The following GPD2 variants were observed in gnomAD, a reference collection of about 807,000 sequenced individuals.
GPD2 encodes glycerol-3-phosphate dehydrogenase, mitochondrial.
Under a neutral mutation model 82.4 loss-of-function variants are expected in GPD2, and 54 were observed. The ratio of observed to expected loss-of-function variants is 0.66; its 90% CI spans 0.53 to 0.82. The LOEUF is 0.82. Among genes scored for constraint, GPD2 ranks in the 40% least tolerant of loss-of-function variants. GPD2 has a pLI of 0.00. For missense variants in GPD2, 748 were observed against 896.2 expected, an observed-to-expected ratio of 0.83 and a Z score of 2.11; for synonymous variants, 288 against 306.1, an observed-to-expected ratio of 0.94 and a Z score of 0.62.
chr2:156,458,506 G>T (rs565346623), intron 1 of GPD2, among the ~76,000 whole-genome samples: 1 of 152,336 alleles, frequency 6.6e-6, no homozygotes, highest in East Asian at 1.9e-4. Context: ...CATGCTCAAG[G>T]CAAATTCATT....
At chr2:156,452,437 G>A (rs561857536) in intron 1 of GPD2, among the ~76,000 whole-genome samples, 1 of 152,268 alleles carries the variant, frequency 6.6e-6, no homozygotes, top group Non-Finnish European at 1.5e-5. Context: ...ACCTGCAATC[G>A]CAGGCTGAGG....
Position 156,512,213 on chromosome 2 carries a change from C to A in GPD2, c.400-7C>A. On this transcript the variant is annotated splice_region_variant and splice_polypyrimidine_tract_variant and intron_variant, in intron 4 of 16. Transcript: ENST00000438166. ...GCCAAACTAATTTTCTCTGTTTTGC[C>A]TTTCAGTATAGGATGGTAAAAGAAG... is the stretch of plus-strand genomic sequence containing the variant. 2 of 1,469,098 alleles carry A rather than the reference C, an allele frequency of 1.4e-6. No homozygotes were observed. The highest frequency in any genetic ancestry group is 1.9e-6 in the Non-Finnish European group (2 of 1,047,588). 91.0% of individuals were successfully genotyped at this position (1,469,098 alleles called of 1,614,324 possible).
At chr2:156,485,373 A>G (rs1670177414) in intron 2 of GPD2, among the ~76,000 whole-genome samples, 1 of 152,226 alleles carries the variant, frequency 6.6e-6, no homozygotes. Flanking sequence ...TCTCTGCACC[A>G]TGGCTTTCTA....
intron 3 of GPD2, among the ~76,000 whole-genome samples, chr2:156,505,077 C>T (rs767089138): frequency 6.6e-6 from 1 of 151,938 alleles, no homozygotes; most frequent in Non-Finnish European, 1.5e-5. Context: ...AGTTAAATGT[C>T]GTACCATTTT....
chr2:156,452,752 G>T (rs1018718207), intron 1 of GPD2, among the ~76,000 whole-genome samples: 4 of 152,102 alleles, frequency 2.6e-5, no homozygotes, highest in African/African-American at 9.7e-5. Flanking sequence ...AGGAGAGAGT[G>T]GTGGGTAATT....
chr2:156,529,710 G>T (rs1251055442), intron 6 of GPD2, among the ~76,000 whole-genome samples: 2 of 150,762 alleles, frequency 1.3e-5, no homozygotes, highest in African/African-American at 2.4e-5. Context: ...TTTCCCCATT[G>T]CTTGTTTTTC....
In GPD2 at chr2:156,529,989, G is replaced by A. The variant is rs528488193; in HGVS notation, c.661+16493G>A. 8.7e-3 allele frequency among the ~76,000 whole-genome samples: 1,313 copies of A among 151,766 alleles called. 20 individuals carry two copies. The highest frequency in any genetic ancestry group is 0.03 in the African/African-American group (1,232 of 41,254). On this transcript the variant is annotated intron_variant, in intron 6 of 16. Coordinates refer to ENST00000438166, the MANE Select transcript of GPD2 (RefSeq NM_000408.5). ...AATTCTGTGAAGAAAGTGATTGGTA[G>A]CTTGATGGGGATGGCATTGAATCTG...
At position 156,437,488 on chromosome 2, in the gene GPD2, G is replaced by A. The variant is rs958539001; in HGVS notation, c.-9+975G>A. ...TGGATGCCATTGCCCAATGGAGACCGTGTGCAGTCTGGGGAACCTTGTGAT... is the reference window on the plus strand; with the variant it reads ...TGGATGCCATTGCCCAATGGAGACCATGTGCAGTCTGGGGAACCTTGTGAT... On this transcript the variant is annotated intron_variant, in intron 1 of 16. Transcript: ENST00000438166. 8.0e-4 allele frequency among the ~76,000 whole-genome samples: 122 copies of A among 152,260 alleles called. 1 individual carries two copies. The highest frequency in any genetic ancestry group is 2.9e-3 in the African/African-American group (119 of 41,542).
chr2:156,400,520 C>A, the GPD2 span, among the ~76,000 whole-genome samples: 1 of 152,256 alleles, frequency 6.6e-6, no homozygotes, highest in Non-Finnish European at 1.5e-5. Flanking sequence ...GGATCCCAGG[C>A]TCCCGACGTC....
intron 1 of GPD2, among the ~76,000 whole-genome samples, chr2:156,474,800 A>C (rs1683447357): frequency 6.6e-6 from 1 of 152,180 alleles, no homozygotes; most frequent in Non-Finnish European, 1.5e-5. Context: ...TTAAGAGCTA[A>C]GACAATGCAG....
intron 1 of GPD2, among the ~76,000 whole-genome samples, chr2:156,460,388 GA>G (rs1682948915): frequency 6.6e-6 from 1 of 152,142 alleles, no homozygotes; most frequent in Non-Finnish European, 1.5e-5. Flanking sequence ...CCAATAGGGG[GA>G]AAATTATGAA....
rs78511675 is a variant in GPD2 at position 156,494,088 on chromosome 2, C to T, written c.103-1956C>T. Among the ~76,000 whole-genome samples, 629 of 152,088 alleles carry T rather than the reference C, an allele frequency of 4.1e-3. 4 individuals are homozygous for T. The highest frequency in any genetic ancestry group is 0.015 in the African/African-American group (611 of 41,484). ...TGTATATAAAGGTAAAAAATAGGGA[C>T]ATGGTTATTAGCAGATAATTAAAAG... On this transcript the variant is annotated intron_variant, in intron 2 of 16. Transcript: ENST00000438166.
At chr2:156,413,243 C>T in the GPD2 span, among the ~76,000 whole-genome samples, 1 of 152,052 alleles carries the variant, frequency 6.6e-6, no homozygotes, top group Non-Finnish European at 1.5e-5. Flanking sequence ...TATTCCATAA[C>T]CTTTGCTTAT....
At chr2:156,485,759 A>G (rs1228575502) in intron 2 of GPD2, among the ~76,000 whole-genome samples, 1 of 152,210 alleles carries the variant, frequency 6.6e-6, no homozygotes, top group Non-Finnish European at 1.5e-5. Flanking sequence ...GTCTCACCCT[A>G]CTGGATCATT....
chr2:156,536,333 G>A (rs952947148), intron 6 of GPD2, among the ~76,000 whole-genome samples: 1 of 152,126 alleles, frequency 6.6e-6, no homozygotes, highest in African/African-American at 2.4e-5. Flanking sequence ...TCTCCTTAAG[G>A]TGAGTAGACT....
the GPD2 span, among the ~76,000 whole-genome samples, chr2:156,401,035 G>A: frequency 6.6e-6 from 1 of 152,180 alleles, no homozygotes; most frequent in Non-Finnish European, 1.5e-5. Context: ...ATAGGGAATT[G>A]GCTTTCATTA....
chr2:156,481,501 C>A (rs965221315), intron 2 of GPD2, among the ~76,000 whole-genome samples: 1 of 152,030 alleles, frequency 6.6e-6, no homozygotes, highest in Non-Finnish European at 1.5e-5. Flanking sequence ...GTTCTACTCT[C>A]TATTTCTATG....
intron 1 of GPD2, among the ~76,000 whole-genome samples, chr2:156,459,859 A>G (rs1446884668): frequency 2.0e-5 from 3 of 152,040 alleles, no homozygotes; most frequent in African/African-American, 7.3e-5. Context: ...ATCTCTGCAG[A>G]GCACTTGGCT....
At chr2:156,576,491 G>A (rs563105637) in intron 13 of GPD2, among the ~76,000 whole-genome samples, 1 of 151,224 alleles carries the variant, frequency 6.6e-6, no homozygotes, top group Non-Finnish European at 1.5e-5. Flanking sequence ...CATTAGGTTT[G>A]TTCTACCCTA....
Sources: allele counts gnomAD v4.1 joint callset (sites outside exome capture counted in the v4.1 genomes callset), GRCh38; gene constraint gnomAD v4.1.1; transcripts MANE v1.5; gene names NCBI Gene and HGNC (gene_info 2026-07-23, HGNC 2026-07-21).